OLFM2: variants seen among roughly 807,000 people sequenced by gnomAD.
OLFM2 encodes the protein olfactomedin 2.
Under a neutral mutation model 43.9 loss-of-function variants are expected in OLFM2, and 20 were observed. The observed-to-expected ratio is 0.46, with a 90% CI of 0.32 to 0.66. The LOEUF is 0.66. OLFM2 is among the 30% of genes least tolerant of loss of function. The probability of loss-of-function intolerance (pLI) is 0.04; values close to 1 mark genes in which losing one functional copy is unlikely to be tolerated. For missense variants in OLFM2, 416 were observed against 643.6 expected (o/e 0.65, Z 3.83); for synonymous variants, 268 against 278.6 (o/e 0.96, Z 0.38).
intron 1 of OLFM2, among the ~76,000 whole-genome samples, chr19:9,876,696 C>T (rs375276420): frequency 6.6e-6 from 1 of 152,122 alleles, no homozygotes; most frequent in African/African-American, 2.4e-5. Flanking sequence ...TCAGGTCTGC[C>T]GTGTGACCTT....
chr19:9,872,687 C>G (rs552760855), intron 1 of OLFM2, among the ~76,000 whole-genome samples: 28 of 152,256 alleles, frequency 1.8e-4, no homozygotes, highest in African/African-American at 6.5e-4. Flanking sequence ...TCCATCCATT[C>G]ATTCACCTTT....
At chr19:9,902,382 C>CT (rs376869987) in intron 1 of OLFM2, among the ~76,000 whole-genome samples, 16,801 of 122,634 alleles carry the variant, frequency 0.14, 1,344 homozygotes, top group African/African-American at 0.17. Context: ...TTGCCTTCAT[C>CT]TTTTTTTTTT....
At chr19:9,914,864 C>T (rs1021212348) in intron 1 of OLFM2, among the ~76,000 whole-genome samples, 8 of 152,046 alleles carry the variant, frequency 5.3e-5, no homozygotes, top group Non-Finnish European at 1.0e-4. Context: ...CCGCCGCCGT[C>T]GCCCTCAGCC....
At chr19:9,858,841 T>A (rs1452154637) in intron 2 of OLFM2, among the ~76,000 whole-genome samples, 1 of 152,066 alleles carries the variant, frequency 6.6e-6, no homozygotes, top group African/African-American at 2.4e-5. Flanking sequence ...CTGGCTAAGG[T>A]AGACTCCAGC....
intron 1 of OLFM2, among the ~76,000 whole-genome samples, chr19:9,885,754 T>C (rs1379212328): frequency 6.6e-6 from 1 of 152,134 alleles, no homozygotes; most frequent in Non-Finnish European, 1.5e-5. Flanking sequence ...CTTTGCTCAA[T>C]CTATTCTCTT....
At chr19:9,862,905 G>A (rs1484531705) in intron 1 of OLFM2, among the ~76,000 whole-genome samples, 1 of 134,158 alleles carries the variant, frequency 7.5e-6, no homozygotes, top group Non-Finnish European at 1.7e-5. Context: ...AACCTGGCGG[G>A]GTGGGGGCAG....
chr19:9,902,092 G>A (rs1257532082), intron 1 of OLFM2, among the ~76,000 whole-genome samples: 1 of 152,048 alleles, frequency 6.6e-6, no homozygotes, highest in Non-Finnish European at 1.5e-5. Flanking sequence ...GCAGTGGCGT[G>A]ATCTCGGCTC....
intron 1 of OLFM2, among the ~76,000 whole-genome samples, chr19:9,880,105 C>T (rs2046526845): frequency 6.6e-6 from 1 of 152,072 alleles, no homozygotes; most frequent in Non-Finnish European, 1.5e-5. Context: ...CTCAAGTGAT[C>T]CTCCCACCTC....
intron 1 of OLFM2, among the ~76,000 whole-genome samples, chr19:9,867,403 CA>C (rs755395010): frequency 2.5e-4 from 38 of 152,096 alleles, no homozygotes; most frequent in Middle Eastern, 3.4e-3. Context: ...CAAAAAAAAA[CA>C]ATTCCTGGTG....
chr19:9,905,313 C>T (rs1017753434), intron 1 of OLFM2, among the ~76,000 whole-genome samples: 3 of 152,010 alleles, frequency 2.0e-5, no homozygotes, highest in Non-Finnish European at 2.9e-5. Context: ...AAAAATTAGC[C>T]GGGCGTAGTG....
intron 1 of OLFM2, among the ~76,000 whole-genome samples, chr19:9,881,684 T>TGG (rs35230510): frequency 6.6e-4 from 99 of 150,044 alleles, no homozygotes; most frequent in Middle Eastern, 6.8e-3. Context: ...TTTTTACAGT[T>TGG]GGGGGGTCTT....
chr19:9,900,916 A>G (rs1599489052), intron 1 of OLFM2, among the ~76,000 whole-genome samples: 5 of 103,474 alleles, frequency 4.8e-5, no homozygotes, highest in African/African-American at 7.5e-5. Context: ...AGGGAAGGGG[A>G]GGGAAAGGGA....
rs190031895 is a variant in OLFM2 at position 9,936,480 on chromosome 19, C to G, written c.-114G>C. ...CGGCCGGGGCGACCCTGCGCCGCCG[C>G]CTCCCCCGCCTCGCCGGCGGCCGGG... On this transcript the variant is annotated 5_prime_UTR_variant, in exon 1 of 6. Transcript: ENST00000264833. 4.1e-6 allele frequency: 3 copies of G among 738,198 alleles called. No individual in the cohort carries two copies. In the South Asian group the frequency reaches 1.8e-4, roughly 43 times the overall value. 45.7% of individuals were successfully genotyped at this position (738,198 alleles called of 1,614,324 possible).
chr19:9,904,152 T>TTGTGTGTGTGTGTGTGTG (rs56281493), intron 1 of OLFM2, among the ~76,000 whole-genome samples: 1 of 127,162 alleles, frequency 7.9e-6, no homozygotes, highest in African/African-American at 3.0e-5. Flanking sequence ...TGAGTATTGT[T>TTGTGTGTGTGTGTGTGTG]TGTGTGTGTG....
chr19:9,876,342 C>A (rs1028950394), intron 1 of OLFM2, among the ~76,000 whole-genome samples: 2 of 152,176 alleles, frequency 1.3e-5, no homozygotes, highest in Non-Finnish European at 2.9e-5. Context: ...TAGCCAGGGA[C>A]ACCCCTATAC....
intron 1 of OLFM2, among the ~76,000 whole-genome samples, chr19:9,932,265 C>A (rs1246188348): frequency 2.0e-5 from 3 of 151,960 alleles, no homozygotes; most frequent in African/African-American, 7.3e-5. Context: ...GCCTGGCCAA[C>A]ATGGTGAAAC....
At chr19:9,901,366 C>T (rs1353661557) in intron 1 of OLFM2, among the ~76,000 whole-genome samples, 4 of 152,176 alleles carry the variant, frequency 2.6e-5, no homozygotes, top group South Asian at 4.2e-4. Context: ...GCAGAGGTTG[C>T]AGTGAGCTGA....
intron 1 of OLFM2, among the ~76,000 whole-genome samples, chr19:9,867,907 T>A (rs539960998): frequency 9.7e-5 from 8 of 82,312 alleles, no homozygotes; most frequent in East Asian, 3.6e-4. Flanking sequence ...AGAAAAAAAA[T>A]TTTTTTTTTT....
intron 1 of OLFM2, among the ~76,000 whole-genome samples, chr19:9,862,023 G>GAA (rs3075649): frequency 8.3e-6 from 1 of 120,354 alleles, no homozygotes; most frequent in African/African-American, 3.0e-5. Context: ...CCGTCTCAAA[G>GAA]AAAAAAAAAA....
Sources: allele counts gnomAD v4.1 joint callset (sites outside exome capture counted in the v4.1 genomes callset), GRCh38; gene constraint gnomAD v4.1.1; transcripts MANE v1.5; gene names NCBI Gene and HGNC (gene_info 2026-07-23, HGNC 2026-07-21).